UNC13B: variants seen among roughly 807,000 people sequenced by gnomAD.
The protein encoded by UNC13B is protein unc-13 homolog B.
A neutral mutation model predicts 211.0 loss-of-function variants in UNC13B; 144 were observed. The observed-to-expected ratio is 0.68, with a 90% CI of 0.60 to 0.78. The LOEUF (loss-of-function observed/expected upper bound fraction) is 0.78. Ranked by LOEUF, UNC13B falls within the 30% of genes least tolerant of loss-of-function variation. The pLI is 0.00. For synonymous variants in UNC13B, 709 were observed against 725.8 expected, an observed-to-expected ratio of 0.98 and a Z score of 0.37; for missense variants, 1,777 against 2,002.0, an observed-to-expected ratio of 0.89 and a Z score of 2.14.
chr9:35,244,133 C>A (rs1825955942), intron 6 of UNC13B, among the ~76,000 whole-genome samples: 1 of 151,950 alleles, frequency 6.6e-6, no homozygotes, highest in Non-Finnish European at 1.5e-5. Flanking sequence ...GGAACAAAAT[C>A]TTGGGAAACC....
chr9:35,257,375 TATTTATATAAATATTTATAA>T (rs1484338016), intron 6 of UNC13B, among the ~76,000 whole-genome samples: 20 of 123,274 alleles, frequency 1.6e-4, no homozygotes, highest in East Asian at 4.7e-4. Flanking sequence ...ATTTATAAAA[TATTTATATAAATATTTATAA>T]AAATATTTAT....
chr9:35,200,408 T>C (rs1027278932), intron 1 of UNC13B, among the ~76,000 whole-genome samples: 3 of 152,206 alleles, frequency 2.0e-5, no homozygotes, highest in African/African-American at 7.2e-5. Context: ...TGGCATTGAA[T>C]CTATAAATTA....
chr9:35,208,582 G>T (rs947618036), intron 1 of UNC13B, among the ~76,000 whole-genome samples: 1 of 152,210 alleles, frequency 6.6e-6, no homozygotes, highest in African/African-American at 2.4e-5. Context: ...CGAAAGGGAG[G>T]CAGAGACATC....
At chr9:35,268,455 T>C (rs1827695964) in intron 7 of UNC13B, among the ~76,000 whole-genome samples, 1 of 152,036 alleles carries the variant, frequency 6.6e-6, no homozygotes, top group Admixed American at 6.6e-5. Context: ...CCATCTATAC[T>C]AAAAATACAA....
chr9:35,177,275 C>T (rs764697965), intron 1 of UNC13B, among the ~76,000 whole-genome samples: 7 of 152,026 alleles, frequency 4.6e-5, no homozygotes, highest in South Asian at 2.1e-4. Flanking sequence ...GGTGAAAGAG[C>T]GAAACTCCAT....
chr9:35,278,368 G>T (rs1828293658), intron 7 of UNC13B, among the ~76,000 whole-genome samples: 1 of 152,140 alleles, frequency 6.6e-6, no homozygotes, highest in African/African-American at 2.4e-5. Context: ...TTGTTGCTGT[G>T]ATGGAAGACC....
At chr9:35,279,831 A>G (rs1828385506) in intron 7 of UNC13B, among the ~76,000 whole-genome samples, 1 of 152,176 alleles carries the variant, frequency 6.6e-6, no homozygotes, top group African/African-American at 2.4e-5. Flanking sequence ...GCTTTTAGGA[A>G]TAGTCACCCT....
chr9:35,353,536 C>T (rs1206454842), intron 11 of UNC13B: 2 of 1,231,856 alleles, frequency 1.6e-6, no homozygotes, highest in African/African-American at 1.6e-5. Flanking sequence ...GAGAGCAAAC[C>T]CCTCAGGATC....
At chr9:35,220,980 G>A (rs148214101) in intron 1 of UNC13B, among the ~76,000 whole-genome samples, 1 of 152,228 alleles carries the variant, frequency 6.6e-6, no homozygotes, top group Non-Finnish European at 1.5e-5. Context: ...CCTCATAGTA[G>A]TTTTGATTTG....
chr9:35,367,006 C>T lies in UNC13B; in HGVS notation c.9461+13C>T, dbSNP rs1385764080. 2 of 1,611,824 alleles carry T rather than the reference C, an allele frequency of 1.2e-6. No homozygotes were observed. Among genetic ancestry groups the T allele is most frequent in the East Asian group, 2.2e-5 (1 of 44,874 alleles). On this transcript the variant is annotated intron_variant, in intron 12 of 39. Transcript: ENST00000635942. Reference sequence around the variant, plus strand: ...GGCTCCCGGAAGGGTAAGTAATTCACTGCAAGGTTTCTGTGGATTTTATTC... The same window carrying T: ...GGCTCCCGGAAGGGTAAGTAATTCATTGCAAGGTTTCTGTGGATTTTATTC...
At chr9:35,262,347 T>G (rs927590995) in intron 7 of UNC13B, among the ~76,000 whole-genome samples, 1 of 151,836 alleles carries the variant, frequency 6.6e-6, no homozygotes, top group Non-Finnish European at 1.5e-5. Flanking sequence ...GAAGGAGTCT[T>G]GCTCCATCAT....
chr9:35,376,381 G>C lies in UNC13B; in HGVS notation c.9835+134G>C. The stretch of plus-strand genomic sequence containing the variant: ...TGATTCTGAAACCCTATCCATTTCA[G>C]AGAAGGTAGGATTCTGAATCAAGGG... On this transcript the variant is annotated intron_variant, in intron 15 of 39. Coordinates refer to ENST00000635942, the MANE Select transcript of UNC13B (RefSeq NM_001371189.2). The C allele has an allele frequency of 3.3e-6, 3 of 898,634 alleles. No individual in the cohort carries two copies. The South Asian group carries it at 4.8e-5, about 15-fold the overall frequency. The allele number at this position is 898,634 out of a possible 1,614,324, so 55.7% of individuals were successfully genotyped here.
intron 1 of UNC13B, among the ~76,000 whole-genome samples, chr9:35,212,725 C>T: frequency 6.6e-6 from 1 of 152,180 alleles, no homozygotes; most frequent in Non-Finnish European, 1.5e-5. Flanking sequence ...TATAATTTAG[C>T]TCCCAAGAAA....
chr9:35,318,615 T>G lies in UNC13B; in HGVS notation c.9414+4626T>G, dbSNP rs1425197616. Among the ~76,000 whole-genome samples, 7 of 152,372 alleles carry G rather than the reference T, an allele frequency of 4.6e-5. No homozygotes were observed. In the East Asian group the frequency reaches 1.3e-3, roughly 29 times the overall value. On this transcript the variant is annotated intron_variant, in intron 11 of 39. Transcript: ENST00000635942. ...ATATCAGCTCTAAGAAAATTTTTCA[T>G]TCTTTTTTATAGCTGCGTAATATTC...
chr9:35,247,813 C>T (rs1222771350), intron 6 of UNC13B, among the ~76,000 whole-genome samples: 5 of 152,040 alleles, frequency 3.3e-5, no homozygotes, highest in South Asian at 4.1e-4. Context: ...GTCTAAAATT[C>T]TCTCTTTTTG....
chr9:35,251,412 A>G (rs200012595), intron 6 of UNC13B, among the ~76,000 whole-genome samples: 1 of 151,940 alleles, frequency 6.6e-6, no homozygotes, highest in Non-Finnish European at 1.5e-5. Context: ...CATGGTGAAA[A>G]CCCGTCTCTA....
At chr9:35,351,679 C>T in intron 11 of UNC13B, 14 of 1,232,270 alleles carry the variant, frequency 1.1e-5, no homozygotes, top group Non-Finnish European at 1.4e-5. Flanking sequence ...AGGACAACTC[C>T]CTGCCCCCTT....
intron 1 of UNC13B, among the ~76,000 whole-genome samples, chr9:35,170,878 G>T (rs954427885): frequency 5.9e-5 from 9 of 151,988 alleles, no homozygotes; most frequent in African/African-American, 1.9e-4. Flanking sequence ...GCTAATCAGG[G>T]CTCACTGCAG....
chr9:35,180,755 AT>A (rs1163623948), intron 1 of UNC13B, among the ~76,000 whole-genome samples: 2 of 151,984 alleles, frequency 1.3e-5, no homozygotes, highest in African/African-American at 4.8e-5. Context: ...GCTTTTGTTC[AT>A]TAGTTCTGAA....
Sources: gnomAD v4.1 joint callset for allele counts (sites outside exome capture counted in the v4.1 genomes callset) on GRCh38, gnomAD v4.1.1 for gene constraint, MANE v1.5 for transcripts, NCBI Gene and HGNC (gene_info 2026-07-23, HGNC 2026-07-21) for gene names.